Variants in VPS8 observed in about 807,000 individuals in gnomAD.
VPS8 encodes the protein VPS8 subunit of CORVET complex, also known as vacuolar protein sorting-associated protein 8 homolog.
VPS8 carries 129 observed loss-of-function variants against 216.4 expected under a neutral mutation model. That is an observed-to-expected ratio of 0.60 (90% CI 0.52 to 0.69). VPS8 has a LOEUF of 0.69. Ranked by LOEUF, VPS8 falls within the 30% of genes least tolerant of loss-of-function variation. The pLI is 0.00. For synonymous variants in VPS8, 571 were observed against 565.4 expected, an observed-to-expected ratio of 1.01 and a Z score of -0.14; for missense variants, 1,531 against 1,683.5, an observed-to-expected ratio of 0.91 and a Z score of 1.59.
In VPS8 at chr3:184,998,753, G is replaced by A. The variant is rs146560373; in HGVS notation, c.3837-943G>A. On this transcript the variant is annotated intron_variant, in intron 44 of 47. Transcript: ENST00000625842. Reference sequence around the variant, plus strand: ...TAGGGAATTTCTTTATAAGAATAGCGTAAGGATTTACTACAGCAATGACAT... The same window carrying A: ...TAGGGAATTTCTTTATAAGAATAGCATAAGGATTTACTACAGCAATGACAT... 2.4e-3 allele frequency among the ~76,000 whole-genome samples: 359 copies of A among 152,064 alleles called. 2 individuals are homozygous for A. Among genetic ancestry groups the A allele is most frequent in the Non-Finnish European group, 4.2e-3 (285 of 68,008 alleles).
At chr3:184,838,180 A>G (rs1217908660) in intron 5 of VPS8, among the ~76,000 whole-genome samples, 5 of 152,186 alleles carry the variant, frequency 3.3e-5, no homozygotes, top group African/African-American at 4.8e-5. Flanking sequence ...TTCAAATGCC[A>G]TGTAGTTACC....
intron 5 of VPS8, among the ~76,000 whole-genome samples, chr3:184,836,051 ACAAGATACCACAATTGCACTTCAATGTT>A (rs1721026641): frequency 6.6e-6 from 1 of 152,198 alleles, no homozygotes; most frequent in Non-Finnish European, 1.5e-5. Context: ...ATACAGAATT[ACAAGATACCACAATTGCACTTCAATGTT>A]CAGGTTTATC....
At position 184,824,623 on chromosome 3, in the gene VPS8, A is replaced by G. The variant is rs1050652024; in HGVS notation, c.-10A>G. On this transcript the variant is annotated 5_prime_UTR_variant, in exon 2 of 48. Transcript: ENST00000625842. ...CTTTGATGGACTGAATACTGTTATT[A>G]GAAGTAAATATGGAAAATGAACCAG... 6.2e-7 allele frequency: 1 copy of G among 1,612,988 alleles called. No individual in the cohort carries two copies. The highest frequency in any genetic ancestry group is 8.5e-7 in the Non-Finnish European group (1 of 1,179,534).
At chr3:184,899,283 G>A (rs1456591365) in intron 24 of VPS8, among the ~76,000 whole-genome samples, 2 of 152,196 alleles carry the variant, frequency 1.3e-5, no homozygotes, top group Non-Finnish European at 2.9e-5. Flanking sequence ...GTAGACACAT[G>A]TAGTGCCCTC....
chr3:184,849,187 A>G lies in VPS8; in HGVS notation c.658A>G (p.Lys220Glu). The G allele has an allele frequency of 6.2e-7, 1 of 1,613,188 alleles. No individual in the cohort carries two copies. Among genetic ancestry groups the G allele is most frequent in the Non-Finnish European group, 8.5e-7 (1 of 1,179,308 alleles). ...DCSRLLCGFAKGQITMWDLAS... is the reference protein window; with the variant it reads ...DCSRLLCGFAEGQITMWDLAS... ...CTCAAGACTTCTTTGTGGCTTTGCT[A>G]AAGGACAGGTAAGATATGAACCTCC... Residue 220 changes from lysine to glutamate, a missense_variant, in exon 9 of 48, where the codon AAA becomes GAA. By Grantham distance (56) the Lys-to-Glu change is moderately conservative (BLOSUM62 1). Coordinates refer to ENST00000625842, the MANE Select transcript of VPS8 (RefSeq NM_001009921.3).
intron 39 of VPS8, among the ~76,000 whole-genome samples, chr3:184,969,472 C>G (rs1577018494): frequency 7.8e-6 from 1 of 127,920 alleles, no homozygotes; most frequent in South Asian, 2.7e-4. Context: ...CTCTGTTGCC[C>G]AGGCTGGAAT....
chr3:185,044,485 C>A (rs1363241953), intron 46 of VPS8, among the ~76,000 whole-genome samples: 1 of 152,144 alleles, frequency 6.6e-6, no homozygotes, highest in Non-Finnish European at 1.5e-5. Context: ...ATAAAGTGAG[C>A]CGCTGCAGCA....
intron 37 of VPS8, 89 bp downstream of exon 37, chr3:184,957,610 A>C: frequency 2.1e-6 from 3 of 1,399,656 alleles, no homozygotes; most frequent in Non-Finnish European, 2.9e-6. Flanking sequence ...GAAAAAATAT[A>C]TAATTTCTTT....
chr3:184,875,803 T>C (rs867530574), intron 21 of VPS8, among the ~76,000 whole-genome samples: 1 of 136,392 alleles, frequency 7.3e-6, no homozygotes, highest in Non-Finnish European at 1.6e-5. Context: ...CTTGGCAACA[T>C]AGTGAAACCT....
intron 45 of VPS8, among the ~76,000 whole-genome samples, chr3:185,018,182 G>A (rs549943194): frequency 3.9e-5 from 6 of 152,270 alleles, no homozygotes; most frequent in East Asian, 1.9e-4. Context: ...TTAACAGGTC[G>A]CAGAGCAGCC....
intron 39 of VPS8, among the ~76,000 whole-genome samples, chr3:184,969,418 A>AC (rs63382562): frequency 6.3e-5 from 3 of 47,750 alleles, no homozygotes; most frequent in African/African-American, 2.9e-4. Context: ...ACCCAGCCCC[A>AC]CCCCCCCCCC....
At position 184,851,122 on chromosome 3, in the gene VPS8, A is replaced by G. The variant is rs139409600; in HGVS notation, c.753+1100A>G. On this transcript the variant is annotated intron_variant, in intron 10 of 47. Transcript: ENST00000625842. ...TAGCTGCTCAATAAATATTTGATTG[A>G]AGGAAAAACTAGATGGTGGTGTTTA... 1.4e-3 allele frequency among the ~76,000 whole-genome samples: 211 copies of G among 152,326 alleles called. 3 individuals carry two copies. In the East Asian group the frequency reaches 0.032, roughly 23 times the overall value.
intron 47 of VPS8, among the ~76,000 whole-genome samples, chr3:185,049,486 A>G (rs1254610060): frequency 1.3e-5 from 2 of 151,370 alleles, no homozygotes; most frequent in Non-Finnish European, 2.9e-5. Context: ...TTTTACCACT[A>G]CCCCGGGTGG....
chr3:184,973,502 C>A (rs944037085), intron 40 of VPS8, among the ~76,000 whole-genome samples: 1 of 152,080 alleles, frequency 6.6e-6, no homozygotes, highest in South Asian at 2.1e-4. Flanking sequence ...ATGATCAAAT[C>A]GGTTACTTAG....
chr3:184,935,904 C>T lies in VPS8; in HGVS notation c.2899-342C>T, dbSNP rs577484752. ...TTTCTTCAAGTTATTACTTTAAGCT[C>T]CAGGGTGAAATGCATTGACAGGAAA... On this transcript the variant is annotated intron_variant, in intron 34 of 47. Transcript: ENST00000625842. Among the ~76,000 whole-genome samples, 12 of 152,238 alleles carry T rather than the reference C, an allele frequency of 7.9e-5. No homozygotes were observed. In the South Asian group the frequency reaches 2.5e-3, roughly 32 times the overall value.
chr3:184,921,820 C>G (rs1314122621), intron 29 of VPS8, among the ~76,000 whole-genome samples: 1 of 152,164 alleles, frequency 6.6e-6, no homozygotes, highest in Non-Finnish European at 1.5e-5. Context: ...CCACCTCAGC[C>G]TCCCAAAGTG....
chr3:184,860,737 C>T (rs1372844748), intron 15 of VPS8, among the ~76,000 whole-genome samples: 1 of 151,816 alleles, frequency 6.6e-6, no homozygotes, highest in East Asian at 1.9e-4. Flanking sequence ...ATTGATTCAG[C>T]AGCTTGTGCA....
intron 10 of VPS8, among the ~76,000 whole-genome samples, chr3:184,851,878 C>T (rs1724339834): frequency 6.6e-6 from 1 of 152,192 alleles, no homozygotes; most frequent in South Asian, 2.1e-4. Context: ...GACCATACTT[C>T]AGGTCACCTT....
intron 46 of VPS8, among the ~76,000 whole-genome samples, chr3:185,045,012 C>G (rs1006026736): frequency 6.6e-6 from 1 of 152,092 alleles, no homozygotes; most frequent in African/African-American, 2.4e-5. Flanking sequence ...TATTAAGGAC[C>G]TCCAGTGTGA....
Sources: gnomAD v4.1 joint callset for allele counts (sites outside exome capture counted in the v4.1 genomes callset) on GRCh38, gnomAD v4.1.1 for gene constraint, MANE v1.5 for transcripts, NCBI Gene and HGNC (gene_info 2026-07-23, HGNC 2026-07-21) for gene names.